SBF2: variants seen among roughly 807,000 people sequenced by gnomAD.
SBF2 encodes myotubularin-related protein 13.
A neutral mutation model predicts 225.2 loss-of-function variants in SBF2; 112 were observed. The ratio of observed to expected loss-of-function variants is 0.50; its 90% confidence interval spans 0.43 to 0.58. SBF2 has a LOEUF of 0.58. Ranked by LOEUF, SBF2 falls within the 20% of genes least tolerant of loss-of-function variation. The pLI is 0.00. For missense variants in SBF2, 1,996 were observed against 2,206.2 expected (o/e 0.90, Z 1.91); for synonymous variants, 763 against 773.3 (o/e 0.99, Z 0.22).
At chr11:9,886,956 T>C (rs1425917668) in intron 17 of SBF2, among the ~76,000 whole-genome samples, 1 of 152,172 alleles carries the variant, frequency 6.6e-6, no homozygotes, top group Non-Finnish European at 1.5e-5. Context: ...GTTGGAGATT[T>C]TGACTTGTTG....
chr11:9,867,565 G>GATT (rs1858335610), intron 17 of SBF2, among the ~76,000 whole-genome samples: 1 of 152,050 alleles, frequency 6.6e-6, no homozygotes, highest in South Asian at 2.1e-4. Context: ...ATATCAAAGA[G>GATT]ATTACATTTA....
At chr11:10,048,246 A>G (rs1388156860) in intron 2 of SBF2, among the ~76,000 whole-genome samples, 3 of 152,126 alleles carry the variant, frequency 2.0e-5, no homozygotes, top group Non-Finnish European at 4.4e-5. Context: ...ACTAAATTCC[A>G]TAACCCTATA....
chr11:9,826,143 T>G (rs4910508), intron 28 of SBF2, among the ~76,000 whole-genome samples: 46,885 of 152,080 alleles, frequency 0.31, 8,332 homozygotes, highest in African/African-American at 0.49. Flanking sequence ...ACACTGCTAG[T>G]GGGTCCAAAA....
chr11:10,266,228 C>T (rs1325967217), intron 1 of SBF2, among the ~76,000 whole-genome samples: 1 of 152,178 alleles, frequency 6.6e-6, no homozygotes, highest in African/African-American at 2.4e-5. Context: ...GGTTGTTTGA[C>T]GCTAGAACTT....
At chr11:9,781,258 G>A (rs1851986217) in intron 39 of SBF2, among the ~76,000 whole-genome samples, 1 of 152,358 alleles carries the variant, frequency 6.6e-6, no homozygotes, top group South Asian at 2.1e-4. Flanking sequence ...GAGTTCATCT[G>A]TTTCCATGTG....
chr11:10,088,550 CA>C (rs903436786), intron 2 of SBF2, among the ~76,000 whole-genome samples: 6 of 152,130 alleles, frequency 3.9e-5, no homozygotes, highest in African/African-American at 1.2e-4. Flanking sequence ...TGCTTCTACC[CA>C]AGGTAGGGGA....
chr11:10,215,604 T>C (rs1293516032), intron 1 of SBF2, among the ~76,000 whole-genome samples: 1 of 152,188 alleles, frequency 6.6e-6, no homozygotes, highest in Non-Finnish European at 1.5e-5. Context: ...GCCTGGGTGA[T>C]AGAGCAAGAC....
At chr11:10,069,205 G>A (rs1030012063) in intron 2 of SBF2, among the ~76,000 whole-genome samples, 27 of 152,164 alleles carry the variant, frequency 1.8e-4, no homozygotes, top group African/African-American at 6.0e-4. Flanking sequence ...GGGTACATGT[G>A]CACAACGTGC....
intron 1 of SBF2, among the ~76,000 whole-genome samples, chr11:10,211,883 C>T (rs1164605819): frequency 1.3e-5 from 2 of 152,136 alleles, no homozygotes; most frequent in African/African-American, 2.4e-5. Flanking sequence ...CTGTTTCTAC[C>T]AAGTTCTGTT....
At chr11:10,171,034 T>G (rs1956162352) in intron 2 of SBF2, among the ~76,000 whole-genome samples, 1 of 152,172 alleles carries the variant, frequency 6.6e-6, no homozygotes, top group Non-Finnish European at 1.5e-5. Context: ...TTTAATAGTT[T>G]TTTGGTGAAG....
chr11:10,180,342 A>G lies in SBF2; in HGVS notation c.141+13560T>C, dbSNP rs556627167. On this transcript the variant is annotated intron_variant, in intron 2 of 39. Coordinates refer to ENST00000256190, the MANE Select transcript of SBF2 (RefSeq NM_030962.4). ...TGTTTGAAGAATATTTTTGCTAGATATACTATGCTAGGATAAAAGCCTCTT... is the reference window on the plus strand; with the variant it reads ...TGTTTGAAGAATATTTTTGCTAGATGTACTATGCTAGGATAAAAGCCTCTT... Among the ~76,000 whole-genome samples, 135 of 152,258 alleles carry G rather than the reference A, an allele frequency of 8.9e-4. 1 individual carries two copies. Among genetic ancestry groups the G allele is most frequent in the Non-Finnish European group, 1.3e-3 (86 of 67,992 alleles).
intron 2 of SBF2, among the ~76,000 whole-genome samples, chr11:10,055,494 C>A (rs1189554968): frequency 6.7e-6 from 1 of 149,530 alleles, no homozygotes; most frequent in Non-Finnish European, 1.5e-5. Flanking sequence ...CTTAAGTGCC[C>A]ACCAACAGAT....
intron 3 of SBF2, among the ~76,000 whole-genome samples, chr11:10,032,178 G>A (rs1949286094): frequency 6.6e-6 from 1 of 152,130 alleles, no homozygotes; most frequent in African/African-American, 2.4e-5. Flanking sequence ...CAATACATAA[G>A]TTTCAATAAC....
chr11:9,796,811 T>C lies in SBF2; in HGVS notation c.4444-854A>G, dbSNP rs561452636. 5.3e-5 allele frequency among the ~76,000 whole-genome samples: 8 copies of C among 152,236 alleles called. No individual in the cohort carries two copies. The East Asian group carries it at 1.5e-3, about 29-fold the overall frequency. On this transcript the variant is annotated intron_variant, in intron 32 of 39. Coordinates refer to ENST00000256190, the MANE Select transcript of SBF2 (RefSeq NM_030962.4). ...ATCAGTAAATTAGGCAGTGAGGTCA[T>C]TGGGCACAGGAATAGGAATGAGTGA...
intron 2 of SBF2, among the ~76,000 whole-genome samples, chr11:10,172,937 G>T (rs561480674): frequency 6.6e-6 from 1 of 152,292 alleles, no homozygotes; most frequent in African/African-American, 2.4e-5. Flanking sequence ...CAAAGTGCTG[G>T]GACTACAGGC....
rs1949489235 is a variant in SBF2, at chr11:10,037,565, A to T, written c.279+5279T>A. The stretch of plus-strand genomic sequence containing the variant: ...CAGTTATTCATAATATTGACAAAAC[A>T]GGAAATACATGTCCATCAGGGGATT... On this transcript the variant is annotated intron_variant, in intron 3 of 39. Coordinates refer to ENST00000256190, the MANE Select transcript of SBF2 (RefSeq NM_030962.4). Among the ~76,000 whole-genome samples the T allele has an allele frequency of 5.3e-5, 8 of 152,188 alleles. No homozygotes were observed. The South Asian group carries it at 1.0e-3, about 20-fold the overall frequency.
chr11:10,054,435 C>A (rs1163905523), intron 2 of SBF2, among the ~76,000 whole-genome samples: 4 of 152,140 alleles, frequency 2.6e-5, no homozygotes, highest in Non-Finnish European at 5.9e-5. Context: ...GATAAGCTAA[C>A]CTAACTTCTA....
intron 2 of SBF2, chr11:10,164,985 T>G (rs935309095): frequency 2.6e-5 from 4 of 152,222 alleles, no homozygotes; most frequent in African/African-American, 9.6e-5. Flanking sequence ...TTGGAACAAC[T>G]CTGAAGGTCC....
At chr11:9,852,787 G>T in intron 20 of SBF2, 38 bp from the exon 21 acceptor site, 1 of 1,437,542 alleles carries the variant, frequency 7.0e-7, no homozygotes, top group Non-Finnish European at 9.8e-7. Context: ...AAAGAACACA[G>T]ACAAGCAGGA....
Sources: allele counts gnomAD v4.1 joint callset (sites outside exome capture counted in the v4.1 genomes callset), GRCh38; gene constraint gnomAD v4.1.1; transcripts MANE v1.5; gene names NCBI Gene and HGNC (gene_info 2026-07-23, HGNC 2026-07-21).